The following DCSTAMP variants were observed in gnomAD, a reference collection of about 807,000 sequenced individuals.
DCSTAMP encodes the protein dendritic cell-specific transmembrane protein.
A neutral mutation model predicts 33.8 loss-of-function variants in DCSTAMP; 25 were observed. That is an observed-to-expected ratio of 0.74 (90% CI 0.54 to 1.03). The LOEUF is 1.03. DCSTAMP is among the 50% of genes least tolerant of loss of function. The probability of loss-of-function intolerance (pLI) is 0.00; values close to 1 mark genes in which losing one functional copy is unlikely to be tolerated. For synonymous variants in DCSTAMP, 245 were observed against 216.7 expected, an observed-to-expected ratio of 1.13 and a Z score of -1.15; for missense variants, 531 against 556.8, an observed-to-expected ratio of 0.95 and a Z score of 0.47.
chr8:104,351,114 C>T (rs1322420472), intron 2 of DCSTAMP, among the ~76,000 whole-genome samples: 1 of 152,216 alleles, frequency 6.6e-6, no homozygotes, highest in Non-Finnish European at 1.5e-5. Context: ...TCTCTCTCCT[C>T]TTGGCAGCCA....
chr8:104,349,270 T>A lies in DCSTAMP; in HGVS notation c.718T>A (p.Trp240Arg). The A allele has an allele frequency of 6.2e-7, 1 of 1,614,218 alleles. No individual in the cohort carries two copies. The highest frequency in any genetic ancestry group is 8.5e-7 in the Non-Finnish European group (1 of 1,180,050). The change falls in exon 2 of 4, where the codon TGG becomes AGG. Residue 240 changes from tryptophan to arginine, a missense_variant. Trp to Arg is a moderately radical substitution (Grantham distance 101). Transcript: ENST00000297581. ...FMKRFLGPCG[W>R]KYENIYITRQ... ...GAAGCGATTTTTGGGCCCTTGTGGT[T>A]GGAAGTATGAAAACATCTACATCAC...
rs750466304 is a variant in DCSTAMP, at chr8:104,349,527, C to T, written c.975C>T (p.Ser325=). Residue 325 remains serine (S), a synonymous_variant, in exon 2 of 4, where the codon AGC becomes AGT. Coordinates refer to ENST00000297581, the MANE Select transcript of DCSTAMP (RefSeq NM_030788.4). ...YLLYRLIFSV[S]KQFQSLPGFE... is the part of the protein sequence containing the mutation. The stretch of plus-strand genomic sequence containing the variant: ...TGTATCGGCTCATTTTCTCAGTGAG[C>T]AAGCAGTTTCAAAGCTTGCCAGGGT... 6.2e-7 allele frequency: 1 copy of T among 1,613,972 alleles called. No individual in the cohort carries two copies. The highest frequency in any genetic ancestry group is 8.5e-7 in the Non-Finnish European group (1 of 1,179,968).
chr8:104,353,151 A>T (rs1474740504), intron 2 of DCSTAMP, among the ~76,000 whole-genome samples: 1 of 152,224 alleles, frequency 6.6e-6, no homozygotes, highest in Non-Finnish European at 1.5e-5. Flanking sequence ...GGCACCTACT[A>T]TGTTCACTGC....
chr8:104,356,318 G>A lies in DCSTAMP; in HGVS notation c.*120G>A. On this transcript the variant is annotated 3_prime_UTR_variant, in exon 4 of 4. Transcript: ENST00000297581. ...TGACGCAGTCCTCTCAGGAGTCTGAGTTTACAGAGCCAACTTGCAGCACCT... is the reference window on the plus strand; with the variant it reads ...TGACGCAGTCCTCTCAGGAGTCTGAATTTACAGAGCCAACTTGCAGCACCT... 1 of 967,884 alleles carries A rather than the reference G, an allele frequency of 1.0e-6. No homozygotes were observed. The highest frequency in any genetic ancestry group is 1.4e-6 in the Non-Finnish European group (1 of 704,246). The allele number at this position is 967,884 out of a possible 1,614,324, so 60.0% of individuals were successfully genotyped here. A position where few individuals can be genotyped will look rare whatever the true frequency, so the allele number is the denominator to read the frequency against.
intron 1 of DCSTAMP, among the ~76,000 whole-genome samples, chr8:104,341,728 T>G (rs2099382890): frequency 6.6e-6 from 1 of 152,206 alleles, no homozygotes; most frequent in African/African-American, 2.4e-5. Flanking sequence ...TCTGCTATTT[T>G]CCTGTTCCCT....
intron 2 of DCSTAMP, among the ~76,000 whole-genome samples, chr8:104,352,668 T>G (rs577934438): frequency 6.6e-5 from 10 of 152,240 alleles, no homozygotes; most frequent in African/African-American, 2.4e-4. Flanking sequence ...CTGACACCTT[T>G]GTCTTTGGGC....
At chr8:104,352,670 T>C (rs895869924) in intron 2 of DCSTAMP, among the ~76,000 whole-genome samples, 46 of 152,056 alleles carry the variant, frequency 3.0e-4, no homozygotes, top group African/African-American at 1.1e-3. Flanking sequence ...GACACCTTTG[T>C]CTTTGGGCAT....
At chr8:104,344,336 A>T (rs1810233884) in intron 1 of DCSTAMP, among the ~76,000 whole-genome samples, 1 of 152,070 alleles carries the variant, frequency 6.6e-6, no homozygotes. Flanking sequence ...AAATAACACT[A>T]AAAGTAATTA....
intron 2 of DCSTAMP, among the ~76,000 whole-genome samples, chr8:104,351,007 G>A (rs112938285): frequency 2.3e-3 from 352 of 152,276 alleles, no homozygotes; most frequent in Middle Eastern, 3.4e-3. Context: ...CCATCAGATG[G>A]ATCTGTGACA....
At chr8:104,342,198 C>A (rs1423407884) in intron 1 of DCSTAMP, among the ~76,000 whole-genome samples, 1 of 151,956 alleles carries the variant, frequency 6.6e-6, no homozygotes, top group Non-Finnish European at 1.5e-5. Context: ...TTAAATGTCT[C>A]CAGGGATAAA....
Position 104,356,152 on chromosome 8 carries a change from T to C in DCSTAMP, c.1367T>C (p.Met456Thr), listed in dbSNP as rs139972199. 13 of 1,612,212 alleles carry C rather than the reference T, an allele frequency of 8.1e-6. No individual in the cohort carries two copies. In the Admixed American group the frequency reaches 1.0e-4, roughly 12 times the overall value. The change falls in exon 4 of 4, where the codon ATG becomes ACG. Residue 456 changes from methionine (M) to threonine (T), a missense_variant. Met to Thr is a moderately conservative substitution (Grantham distance 81). Coordinates refer to ENST00000297581, the MANE Select transcript of DCSTAMP (RefSeq NM_030788.4). Reference sequence around the variant, plus strand: ...CATTTCTGGCTTCCAGTCCTGAAAATGATTAGGAAGAAGCAAATGGACATG... The same window carrying C: ...CATTTCTGGCTTCCAGTCCTGAAAACGATTAGGAAGAAGCAAATGGACATG... ...KIHFWLPVLK[M>T]IRKKQMDMAS...
At chr8:104,353,029 T>C (rs1810508343) in intron 2 of DCSTAMP, among the ~76,000 whole-genome samples, 1 of 152,232 alleles carries the variant, frequency 6.6e-6, no homozygotes, top group Non-Finnish European at 1.5e-5. Context: ...TCCCTCACTT[T>C]AATATGATTT....
At position 104,352,602 on chromosome 8, in the gene DCSTAMP, A is replaced by G. The variant is rs559509396; in HGVS notation, c.1030-2275A>G. ...ATTCTCACCATGTTAGATAGAGGGGAAAAAAAAAAGCAAGCTCTGCCTTCC... is the reference window on the plus strand; with the variant it reads ...ATTCTCACCATGTTAGATAGAGGGGGAAAAAAAAAGCAAGCTCTGCCTTCC... On this transcript the variant is annotated intron_variant, in intron 2 of 3. Coordinates refer to ENST00000297581, the MANE Select transcript of DCSTAMP (RefSeq NM_030788.4). 2.8e-3 allele frequency among the ~76,000 whole-genome samples: 423 copies of G among 148,936 alleles called. 2 individuals carry two copies. The highest frequency in any genetic ancestry group is 8.7e-3 in the African/African-American group (355 of 40,626).
rs1644144241 is a variant in DCSTAMP, at chr8:104,349,295, C to T, written c.743C>T (p.Thr248Ile). Residue 248 changes from threonine to isoleucine, a missense_variant, in exon 2 of 4, where the codon ACC becomes ATC. Thr to Ile is a moderately conservative substitution (Grantham distance 89). Transcript: ENST00000297581. ...CGWKYENIYI[T>I]RQFVQFDERE... ...TGGAAGTATGAAAACATCTACATCA[C>T]CAGACAATTTGTTCAGTTTGATGAA... 14 of 1,614,164 alleles carry T rather than the reference C, an allele frequency of 8.7e-6. No individual in the cohort carries two copies. The highest frequency in any genetic ancestry group is 1.2e-5 in the Non-Finnish European group (14 of 1,180,040).
rs1196514740 is a variant in DCSTAMP at position 104,355,146 on chromosome 8, G to C, written c.1299G>C (p.Leu433=). ...KLLKKRSKQP[L]GEVKRRLSLY... Reference sequence around the variant, plus strand: ...TTAAAAAAAGATCAAAGCAGCCGCTGGGAGAAGTCAAAAGACGGCTGAGTC... The same window carrying C: ...TTAAAAAAAGATCAAAGCAGCCGCTCGGAGAAGTCAAAAGACGGCTGAGTC... Residue 433 remains leucine, a synonymous_variant, in exon 3 of 4, where the codon CTG becomes CTC. Coordinates refer to ENST00000297581, the MANE Select transcript of DCSTAMP (RefSeq NM_030788.4). 4 of 1,613,918 alleles carry C rather than the reference G, an allele frequency of 2.5e-6. No homozygotes were observed. The African/African-American group carries it at 5.3e-5, about 22-fold the overall frequency.
chr8:104,355,647 T>A (rs1810604295), intron 3 of DCSTAMP, among the ~76,000 whole-genome samples: 1 of 152,106 alleles, frequency 6.6e-6, no homozygotes, highest in African/African-American at 2.4e-5. Flanking sequence ...CACAAATATA[T>A]AAATAAAAAC....
chr8:104,343,709 C>T (rs2099383376), intron 1 of DCSTAMP, among the ~76,000 whole-genome samples: 1 of 152,158 alleles, frequency 6.6e-6, no homozygotes, highest in South Asian at 2.1e-4. Flanking sequence ...TTCTGGGTGC[C>T]ATGTTGGAAA....
chr8:104,349,557 G>A lies in DCSTAMP; in HGVS notation c.1005G>A (p.Glu335=). 1.9e-6 allele frequency: 3 copies of A among 1,613,202 alleles called. No homozygotes were observed. Among genetic ancestry groups the A allele is most frequent in the African/African-American group, 1.3e-5 (1 of 74,926 alleles). ...AGTTTCAAAGCTTGCCAGGGTTTGAGGTTCACTTGAAACTGCACGGAGAGG... is the reference window on the plus strand; with the variant it reads ...AGTTTCAAAGCTTGCCAGGGTTTGAAGTTCACTTGAAACTGCACGGAGAGG... ...SKQFQSLPGF[E]VHLKLHGEKQ... The change falls in exon 2 of 4, where the codon GAG becomes GAA. Residue 335 remains glutamate, a synonymous_variant. Coordinates refer to ENST00000297581, the MANE Select transcript of DCSTAMP (RefSeq NM_030788.4).
Position 104,349,241 on chromosome 8 carries a change from T to C in DCSTAMP, c.689T>C (p.Phe230Ser). 6.2e-7 allele frequency: 1 copy of C among 1,614,204 alleles called. No homozygotes were observed. The highest frequency in any genetic ancestry group is 1.6e-4 in the Middle Eastern group (1 of 6,062). ...CTCGTCCTGCTTGGCACTGGCCTCT[T>C]CATGAAGCGATTTTTGGGCCCTTGT... is the stretch of plus-strand genomic sequence containing the variant. ...LSLVLLGTGL[F>S]MKRFLGPCGW... Residue 230 changes from phenylalanine to serine, a missense_variant, in exon 2 of 4, where the codon TTC (phenylalanine) becomes TCC (serine). Phe to Ser is a radical substitution (Grantham distance 155, BLOSUM62 -2). Transcript: ENST00000297581.
Sources: gnomAD v4.1 joint callset for allele counts (sites outside exome capture counted in the v4.1 genomes callset) on GRCh38, gnomAD v4.1.1 for gene constraint, MANE v1.5 for transcripts, NCBI Gene and HGNC (gene_info 2026-07-23, HGNC 2026-07-21) for gene names.